The following BICD1 variants were observed in gnomAD, a reference collection of about 807,000 sequenced individuals.
BICD1 encodes protein bicaudal D homolog 1.
In BICD1, 35 loss-of-function variants were observed where a neutral mutation model predicts 92.5. The observed-to-expected ratio is 0.38, with a 90% confidence interval of 0.29 to 0.50. The LOEUF is 0.50. BICD1 is among the 20% of genes least tolerant of loss of function. The probability of loss-of-function intolerance (pLI) is 0.93; values close to 1 mark genes in which losing one functional copy is unlikely to be tolerated. For synonymous variants in BICD1, 429 were observed against 465.1 expected (o/e 0.92, Z 1.00); for missense variants, 950 against 1,189.8 (o/e 0.80, Z 2.97).
intron 1 of BICD1, among the ~76,000 whole-genome samples, chr12:32,145,645 G>A (rs1326670205): frequency 1.3e-5 from 2 of 152,196 alleles, no homozygotes; most frequent in Non-Finnish European, 2.9e-5. Context: ...GAATTTTAGA[G>A]GACCAAGTTG....
chr12:32,306,427 G>A (rs977060890), intron 4 of BICD1, among the ~76,000 whole-genome samples: 1 of 151,802 alleles, frequency 6.6e-6, no homozygotes, highest in African/African-American at 2.4e-5. Context: ...TGTATTTTTA[G>A]TAGAGACGGG....
At chr12:32,182,579 C>G (rs368276072) in intron 1 of BICD1, among the ~76,000 whole-genome samples, 1 of 151,514 alleles carries the variant, frequency 6.6e-6, no homozygotes, top group Non-Finnish European at 1.5e-5. Flanking sequence ...CACCATGCCC[C>G]GCTGTTTTCT....
chr12:32,182,278 CTTTTTTTT>C (rs759328721), intron 1 of BICD1, among the ~76,000 whole-genome samples: 1 of 81,422 alleles, frequency 1.2e-5, no homozygotes, highest in Non-Finnish European at 2.4e-5. Context: ...TTCTTTCTTT[CTTTTTTTT>C]TTTTTTTTTT....
In BICD1 at chr12:32,367,932, C is replaced by T. The variant is rs1455881850; in HGVS notation, c.2840+187C>T. 5 of 570,884 alleles carry T rather than the reference C, an allele frequency of 8.8e-6. No homozygotes were observed. In the African/African-American group the frequency reaches 9.3e-5, roughly 11 times the overall value. The allele number at this position is 570,884 out of a possible 1,614,324, so 35.4% of individuals were successfully genotyped here. ...CGTTCCCAGTAGGAATACAAGAGAG[C>T]TGGGGTTTATTTTGCTGGCTGCCAG... On this transcript the variant is annotated intron_variant, in intron 9 of 9. Transcript: ENST00000652176.
At chr12:32,298,620 C>T (rs1947946951) in intron 3 of BICD1, among the ~76,000 whole-genome samples, 1 of 146,240 alleles carries the variant, frequency 6.8e-6, no homozygotes, top group Admixed American at 6.9e-5. Context: ...CCTGTAATCC[C>T]AGCACTTGGG....
chr12:32,367,864 A>T lies in BICD1; in HGVS notation c.2840+119A>T, dbSNP rs530926232. On this transcript the variant is annotated intron_variant, in intron 9 of 9. Transcript: ENST00000652176. ...TTGTATTTTGCTGTATTTTATTTCA[A>T]GTGTGGGCTACATAGACACACATTG... 9.9e-6 allele frequency: 9 copies of T among 913,408 alleles called. No individual in the cohort carries two copies. In the Admixed American group the frequency reaches 1.6e-4, roughly 17 times the overall value. 56.6% of individuals were successfully genotyped at this position (913,408 alleles called of 1,614,324 possible).
At chr12:32,278,713 G>A (rs1322311438) in intron 2 of BICD1, among the ~76,000 whole-genome samples, 1 of 152,068 alleles carries the variant, frequency 6.6e-6, no homozygotes, top group African/African-American at 2.4e-5. Context: ...AAAATTAGCC[G>A]GGCGTGTTGG....
chr12:32,186,235 G>A (rs1389493195), intron 1 of BICD1, among the ~76,000 whole-genome samples: 1 of 151,972 alleles, frequency 6.6e-6, no homozygotes, highest in East Asian at 1.9e-4. Context: ...TACTAGAGTG[G>A]TGTACATTCA....
intron 8 of BICD1, among the ~76,000 whole-genome samples, chr12:32,350,489 A>C (rs1938819051): frequency 6.6e-6 from 1 of 152,174 alleles, no homozygotes; most frequent in South Asian, 2.1e-4. Flanking sequence ...AAAAGAAAGA[A>C]AGAAATGATG....
chr12:32,244,080 T>TTTTTTTTTTTTTTTTTTTTGTAAA (rs1270426321), intron 2 of BICD1, among the ~76,000 whole-genome samples: 1 of 152,130 alleles, frequency 6.6e-6, no homozygotes, highest in African/African-American at 2.4e-5. Context: ...ATTCTTTATC[T>TTTTTTTTTTTTTTTTTTTTGTAAA]GCTATTTCAA....
At chr12:32,309,649 T>C (rs1324902550) in intron 4 of BICD1, among the ~76,000 whole-genome samples, 1 of 152,200 alleles carries the variant, frequency 6.6e-6, no homozygotes, top group Admixed American at 6.5e-5. Context: ...TAAAACTTGA[T>C]TTCGAGCTTT....
chr12:32,359,982 G>C (rs1263429009), intron 8 of BICD1, among the ~76,000 whole-genome samples: 1 of 152,034 alleles, frequency 6.6e-6, no homozygotes, highest in African/African-American at 2.4e-5. Context: ...TCAGGGGATC[G>C]AGACCATCCT....
intron 9 of BICD1, chr12:32,367,958 C>A: frequency 1.9e-6 from 1 of 527,142 alleles, no homozygotes; most frequent in South Asian, 2.6e-5. Context: ...TGGCTGCCAG[C>A]TGGTAGACTC....
intron 1 of BICD1, among the ~76,000 whole-genome samples, chr12:32,192,453 A>AATAGATAGATAG (rs66461342): frequency 3.8e-4 from 57 of 149,180 alleles, no homozygotes; most frequent in Non-Finnish European, 6.4e-4. Context: ...TAAATAAATA[A>AATAGATAGATAG]ATAGATAGAT....
chr12:32,243,298 G>T (rs1262007950), intron 2 of BICD1, among the ~76,000 whole-genome samples: 2 of 45,952 alleles, frequency 4.4e-5, no homozygotes, highest in East Asian at 7.6e-4. Flanking sequence ...ATTTTTGGTA[G>T]AGACAGGGTT....
chr12:32,360,262 G>A (rs1434287383), intron 8 of BICD1, among the ~76,000 whole-genome samples: 1 of 151,796 alleles, frequency 6.6e-6, no homozygotes, highest in Non-Finnish European at 1.5e-5. Context: ...TTTCTCACTT[G>A]TTGAAGGAAA....
intron 2 of BICD1, among the ~76,000 whole-genome samples, chr12:32,222,753 T>C (rs1592504288): frequency 6.6e-6 from 1 of 152,278 alleles, no homozygotes; most frequent in Non-Finnish European, 1.5e-5. Flanking sequence ...CGAGTTTATA[T>C]GAGGGCTGGA....
At chr12:32,314,553 A>T (rs1310454707) in intron 4 of BICD1, among the ~76,000 whole-genome samples, 1 of 152,146 alleles carries the variant, frequency 6.6e-6, no homozygotes, top group African/African-American at 2.4e-5. Flanking sequence ...TCATGTGCTT[A>T]TCTGCTCTTT....
Position 32,358,073 on chromosome 12 carries a change from A to G in BICD1, c.2765-9597A>G, listed in dbSNP as rs527537964. ...CAGTGTTCTAATCTGTAAAATGGGC[A>G]TTATGACTACCAATCTCAGTTGAGT... is the stretch of plus-strand genomic sequence containing the variant. On this transcript the variant is annotated intron_variant, in intron 8 of 9. Transcript: ENST00000652176. Among the ~76,000 whole-genome samples, 9 of 152,152 alleles carry G rather than the reference A, an allele frequency of 5.9e-5. No homozygotes were observed. The South Asian group carries it at 1.9e-3, about 32-fold the overall frequency.
Sources: allele counts gnomAD v4.1 joint callset (sites outside exome capture counted in the v4.1 genomes callset), GRCh38; gene constraint gnomAD v4.1.1; transcripts MANE v1.5; gene names NCBI Gene and HGNC (gene_info 2026-07-23, HGNC 2026-07-21).